DCDC1: variants seen among roughly 807,000 people sequenced by gnomAD.
DCDC1 encodes doublecortin domain containing 1.
In DCDC1, 200 loss-of-function variants were observed where a neutral mutation model predicts 178.3. That is an observed-to-expected ratio of 1.12 (90% CI 1.00 to 1.26). The LOEUF is 1.26. DCDC1 is among the 50% of genes most tolerant of loss of function. The pLI, the probability that DCDC1 is intolerant of heterozygous loss-of-function variation, is 0.00. For missense variants in DCDC1, 1,983 were observed against 1,749.2 expected (o/e 1.13, Z -2.38); for synonymous variants, 690 against 604.8 (o/e 1.14, Z -2.07).
chr11:30,871,913 T>C (rs1289602399), intron 38 of DCDC1, among the ~76,000 whole-genome samples: 1 of 152,054 alleles, frequency 6.6e-6, no homozygotes, highest in Non-Finnish European at 1.5e-5. Context: ...TACACACATA[T>C]ATGTACACAT....
intron 17 of DCDC1, among the ~76,000 whole-genome samples, chr11:31,086,198 TA>T (rs1957463908): frequency 6.6e-6 from 1 of 152,222 alleles, no homozygotes; most frequent in African/African-American, 2.4e-5. Context: ...TAAACCACTT[TA>T]TATTTCCACC....
intron 3 of DCDC1, among the ~76,000 whole-genome samples, chr11:31,322,783 C>G (rs1351449936): frequency 6.6e-6 from 1 of 152,144 alleles, no homozygotes; most frequent in Non-Finnish European, 1.5e-5. Context: ...TAAAATTGCT[C>G]TCTCTCTGAA....
At chr11:30,971,361 T>C (rs1949766350) in intron 20 of DCDC1, among the ~76,000 whole-genome samples, 1 of 151,906 alleles carries the variant, frequency 6.6e-6, no homozygotes, top group African/African-American at 2.4e-5. Context: ...GAATTCAAAA[T>C]AATGATACTA....
intron 8 of DCDC1, among the ~76,000 whole-genome samples, chr11:31,259,459 A>G (rs1362201718): frequency 6.6e-6 from 1 of 152,230 alleles, no homozygotes; most frequent in African/African-American, 2.4e-5. Context: ...CACTTGTTCT[A>G]AGGACTTTAC....
intron 20 of DCDC1, among the ~76,000 whole-genome samples, chr11:30,976,962 AAAATGTGG>A (rs1295750334): frequency 6.6e-6 from 1 of 152,216 alleles, no homozygotes; most frequent in African/African-American, 2.4e-5. Flanking sequence ...ATCGACAAAG[AAAATGTGG>A]AGTATATATA....
chr11:30,939,355 C>A (rs913777350), intron 21 of DCDC1, among the ~76,000 whole-genome samples: 1 of 152,170 alleles, frequency 6.6e-6, no homozygotes, highest in South Asian at 2.1e-4. Context: ...CTGGATGGAC[C>A]ACCAGGTTGT....
At chr11:31,088,437 CT>C (rs1565266953) in intron 17 of DCDC1, among the ~76,000 whole-genome samples, 2 of 151,650 alleles carry the variant, frequency 1.3e-5, no homozygotes, top group South Asian at 2.1e-4. Flanking sequence ...ATTTTATTTA[CT>C]TTTTTGGCTT....
At chr11:31,133,240 C>G (rs1043964657) in intron 10 of DCDC1, among the ~76,000 whole-genome samples, 1 of 152,112 alleles carries the variant, frequency 6.6e-6, no homozygotes, top group Admixed American at 6.5e-5. Context: ...TGAATCCACC[C>G]ATGTTATTAA....
chr11:30,956,396 G>A (rs1948775386), intron 20 of DCDC1, among the ~76,000 whole-genome samples: 1 of 152,116 alleles, frequency 6.6e-6, no homozygotes, highest in South Asian at 2.1e-4. Flanking sequence ...AATATCTCAA[G>A]TAGGGAAACT....
intron 20 of DCDC1, among the ~76,000 whole-genome samples, chr11:30,959,919 T>C (rs1185605202): frequency 1.3e-5 from 2 of 152,164 alleles, no homozygotes; most frequent in African/African-American, 4.8e-5. Flanking sequence ...TTCCCTTCCC[T>C]GCTTTCATTT....
At chr11:30,944,352 A>G in intron 21 of DCDC1, 1 of 456,600 alleles carries the variant, frequency 2.2e-6, no homozygotes, top group South Asian at 1.6e-5. Flanking sequence ...TAAATATGTA[A>G]GACATAATGG....
chr11:31,349,740 G>A (rs1017984388), intron 1 of DCDC1, among the ~76,000 whole-genome samples: 6 of 151,974 alleles, frequency 3.9e-5, no homozygotes, highest in Non-Finnish European at 5.9e-5. Context: ...TGGCTCACAC[G>A]TGTACCCCCA....
At chr11:30,891,354 C>T (rs934369919) in intron 36 of DCDC1, among the ~76,000 whole-genome samples, 1 of 152,062 alleles carries the variant, frequency 6.6e-6, no homozygotes, top group African/African-American at 2.4e-5. Flanking sequence ...ATATGCTACA[C>T]CAGAGTCACA....
chr11:30,936,144 G>GT (rs1189729392), intron 21 of DCDC1, among the ~76,000 whole-genome samples: 1 of 152,168 alleles, frequency 6.6e-6, no homozygotes, highest in African/African-American at 2.4e-5. Flanking sequence ...TGAGTCAGAA[G>GT]TCCTTTTAAC....
At chr11:31,011,654 G>C (rs1952175611) in intron 20 of DCDC1, among the ~76,000 whole-genome samples, 1 of 152,168 alleles carries the variant, frequency 6.6e-6, no homozygotes, top group Non-Finnish European at 1.5e-5. Context: ...ACTTTAGAGA[G>C]CTATGTAAAA....
At chr11:31,245,866 A>G (rs981792243) in intron 8 of DCDC1, among the ~76,000 whole-genome samples, 3 of 151,994 alleles carry the variant, frequency 2.0e-5, no homozygotes, top group Non-Finnish European at 2.9e-5. Context: ...TCAGGCTTCA[A>G]GAGGATCTTC....
chr11:31,067,299 T>G (rs1034809048), intron 18 of DCDC1, among the ~76,000 whole-genome samples: 3 of 151,924 alleles, frequency 2.0e-5, no homozygotes, highest in African/African-American at 7.3e-5. Flanking sequence ...AGTAGACATT[T>G]CTCCAAAGAA....
rs1395534838 is a variant in DCDC1, at chr11:30,864,900, A to G, written c.*473T>C. Reference sequence around the variant, plus strand: ...TATGGATATATTGTCTCATTTTTCAATGTTCATTCTTCAAAATAGGCCCAT... The same window carrying G: ...TATGGATATATTGTCTCATTTTTCAGTGTTCATTCTTCAAAATAGGCCCAT... On this transcript the variant is annotated 3_prime_UTR_variant, in exon 39 of 39. Transcript: ENST00000684477. The G allele has an allele frequency of 1.3e-5, 2 of 152,230 alleles. No individual in the cohort carries two copies. The highest frequency in any genetic ancestry group is 4.8e-5 in the African/African-American group (2 of 41,454). 9.4% of individuals were successfully genotyped at this position (152,230 alleles called of 1,614,324 possible).
At chr11:31,129,419 A>G (rs1289272694) in intron 10 of DCDC1, among the ~76,000 whole-genome samples, 3 of 152,174 alleles carry the variant, frequency 2.0e-5, no homozygotes, top group African/African-American at 7.2e-5. Flanking sequence ...ACTTGTTTTA[A>G]AAAGGGTCAC....
Sources: gnomAD v4.1 joint callset for allele counts (sites outside exome capture counted in the v4.1 genomes callset) on GRCh38, gnomAD v4.1.1 for gene constraint, MANE v1.5 for transcripts, NCBI Gene and HGNC (gene_info 2026-07-23, HGNC 2026-07-21) for gene names.